Variants in GFRAL observed in about 807,000 individuals in gnomAD.
GFRAL encodes the protein GDNF family receptor alpha like, also known as GDNF family receptor alpha-like.
GFRAL carries 36 observed loss-of-function variants against 45.4 expected under a neutral mutation model. That is an observed-to-expected ratio of 0.79 (90% CI 0.61 to 1.05). The LOEUF is 1.05. Ranked by LOEUF, GFRAL falls within the 50% of genes least tolerant of loss-of-function variation. The pLI is 0.00. For synonymous variants in GFRAL, 166 were observed against 154.1 expected (o/e 1.08, Z -0.57); for missense variants, 507 against 467.5 (o/e 1.08, Z -0.78).
intron 7 of GFRAL, 31 bp from the exon 8 acceptor site, chr6:55,399,338 C>A: frequency 6.4e-7 from 1 of 1,565,198 alleles, no homozygotes; most frequent in Non-Finnish European, 8.8e-7. Flanking sequence ...AATCCAGTGA[C>A]TATTATTTCT....
intron 3 of GFRAL, among the ~76,000 whole-genome samples, chr6:55,343,370 A>T (rs1038262054): frequency 1.3e-5 from 2 of 152,186 alleles, no homozygotes; most frequent in East Asian, 3.9e-4. Flanking sequence ...AGGATTAAGA[A>T]ACTCACTCCA....
chr6:55,384,640 C>T (rs1768656228), intron 6 of GFRAL, among the ~76,000 whole-genome samples: 1 of 152,018 alleles, frequency 6.6e-6, no homozygotes, highest in African/African-American at 2.4e-5. Context: ...AAGCAAAGAG[C>T]AACCAACAGA....
intron 3 of GFRAL, among the ~76,000 whole-genome samples, chr6:55,348,632 A>G (rs116830925): frequency 0.013 from 1,991 of 151,968 alleles, 23 homozygotes; most frequent in Non-Finnish European, 0.022. Flanking sequence ...TTCAGTGAGT[A>G]CTCCAGGGGA....
chr6:55,384,863 CAA>C (rs34292413), intron 6 of GFRAL, among the ~76,000 whole-genome samples: 6,980 of 140,460 alleles, frequency 0.05, 251 homozygotes, highest in African/African-American at 0.098. Context: ...CAAAAAGCAG[CAA>C]AAAAAAAAAA....
chr6:55,371,572 T>C (rs760664716), intron 6 of GFRAL, among the ~76,000 whole-genome samples: 3 of 152,194 alleles, frequency 2.0e-5, no homozygotes, highest in Non-Finnish European at 2.9e-5. Context: ...GTCTGACATT[T>C]GTCACAAGTT....
intron 6 of GFRAL, among the ~76,000 whole-genome samples, chr6:55,387,526 G>A (rs918688047): frequency 3.3e-5 from 5 of 152,114 alleles, no homozygotes; most frequent in African/African-American, 7.2e-5. Context: ...CCATATGTGG[G>A]CACTTAATAG....
intron 4 of GFRAL, among the ~76,000 whole-genome samples, chr6:55,350,750 A>ATAAGTTATTTGGCACCAACTGT (rs1368937711): frequency 3.9e-5 from 6 of 152,128 alleles, no homozygotes; most frequent in Non-Finnish European, 7.4e-5. Flanking sequence ...TTGTGATCAT[A>ATAAGTTATTTGGCACCAACTGT]TAAGTTATTT....
At chr6:55,365,150 T>A (rs1768342302) in intron 6 of GFRAL, among the ~76,000 whole-genome samples, 1 of 151,304 alleles carries the variant, frequency 6.6e-6, no homozygotes, top group Non-Finnish European at 1.5e-5. Context: ...GAAGAGGTCC[T>A]TCACATCCCT....
intron 6 of GFRAL, among the ~76,000 whole-genome samples, chr6:55,385,743 G>A (rs1160863573): frequency 6.6e-6 from 1 of 152,060 alleles, no homozygotes; most frequent in African/African-American, 2.4e-5. Context: ...TAAAAAGTTT[G>A]TTTGATGAGA....
chr6:55,361,462 A>T (rs1768274101), intron 6 of GFRAL, among the ~76,000 whole-genome samples: 3 of 152,004 alleles, frequency 2.0e-5, no homozygotes, highest in African/African-American at 7.2e-5. Flanking sequence ...TGTCATGTAA[A>T]TTGTAGTTAT....
intron 1 of GFRAL, among the ~76,000 whole-genome samples, chr6:55,330,424 C>T (rs781290104): frequency 9.9e-5 from 15 of 151,980 alleles, no homozygotes; most frequent in Non-Finnish European, 1.8e-4. Context: ...TCTGTAATTG[C>T]GGGATCCCCA....
chr6:55,392,270 T>C (rs1400162794), intron 6 of GFRAL, among the ~76,000 whole-genome samples: 3 of 152,222 alleles, frequency 2.0e-5, no homozygotes, highest in Non-Finnish European at 4.4e-5. Context: ...GGAAACTAGA[T>C]CAAGAACTTT....
At position 55,366,580 on chromosome 6, in the gene GFRAL, TC is replaced by T. The variant is rs1179837945; in HGVS notation, c.952+7444del. Reference sequence around the variant, plus strand: ...CCTGCTTTCTCTTGTGGGCATTTAGTCCTATAAATTTCCCTCTACACACTGC... The same window carrying T: ...CCTGCTTTCTCTTGTGGGCATTTAGTCTATAAATTTCCCTCTACACACTGC... On this transcript the variant is annotated intron_variant, in intron 6 of 8. Coordinates refer to ENST00000340465, the MANE Select transcript of GFRAL (RefSeq NM_207410.2). 5.0e-5 allele frequency among the ~76,000 whole-genome samples: 7 copies of T among 141,026 alleles called. 2 individuals are homozygous for T. Among genetic ancestry groups the T allele is most frequent in the African/African-American group, 2.0e-4 (7 of 35,326 alleles). 92.5% of individuals were successfully genotyped at this position (141,026 alleles called of 152,430 possible).
rs542106469 is a variant in GFRAL at position 55,401,114 on chromosome 6, G to A, written c.1122-676G>A. ...ATCCCTTTTTTGGATGGCAGTGGGG[G>A]CATTATTATTATGGACAAATGTTTT... On this transcript the variant is annotated intron_variant, in intron 8 of 8. Transcript: ENST00000340465. Among the ~76,000 whole-genome samples the A allele has an allele frequency of 2.0e-5, 3 of 152,156 alleles. No homozygotes were observed. The East Asian group carries it at 5.8e-4, about 29-fold the overall frequency.
At chr6:55,343,992 G>T (rs1417322632) in intron 3 of GFRAL, among the ~76,000 whole-genome samples, 1 of 152,090 alleles carries the variant, frequency 6.6e-6, no homozygotes, top group Non-Finnish European at 1.5e-5. Flanking sequence ...CCAGGAAAAA[G>T]TTGAATCCCT....
At position 55,364,631 on chromosome 6, in the gene GFRAL, G is replaced by A. The variant is rs1477267033; in HGVS notation, c.952+5493G>A. On this transcript the variant is annotated intron_variant, in intron 6 of 8. Transcript: ENST00000340465. ...GATTTTTGTATAAGGTGTAAGGAAG[G>A]GATTCAGTTTCAGCTTTCTACATAT... is the stretch of plus-strand genomic sequence containing the variant. Among the ~76,000 whole-genome samples, 4 of 148,372 alleles carry A rather than the reference G, an allele frequency of 2.7e-5. 1 individual carries two copies. Among genetic ancestry groups the A allele is most frequent in the African/African-American group, 1.0e-4 (4 of 39,138 alleles).
chr6:55,360,255 C>T (rs1648794936), intron 6 of GFRAL, among the ~76,000 whole-genome samples: 1 of 151,880 alleles, frequency 6.6e-6, no homozygotes, highest in South Asian at 2.1e-4. Context: ...TTCCCCAGGC[C>T]CCTACCCCTA....
In GFRAL at chr6:55,380,021, G is replaced by A. The variant is rs564508958; in HGVS notation, c.953-19159G>A. 1.7e-4 allele frequency among the ~76,000 whole-genome samples: 26 copies of A among 151,960 alleles called. No homozygotes were observed. The South Asian group carries it at 5.2e-3, about 30-fold the overall frequency. ...GGTTGAATAGTATTGCATTGTGTAT[G>A]TATATCACATTTTCTTAGGTTGATT... On this transcript the variant is annotated intron_variant, in intron 6 of 8. Transcript: ENST00000340465.
chr6:55,348,294 A>G (rs1768070417), intron 3 of GFRAL, among the ~76,000 whole-genome samples: 2 of 151,872 alleles, frequency 1.3e-5, no homozygotes, highest in African/African-American at 4.8e-5. Flanking sequence ...TAATGTGTAA[A>G]TGTTAATTTC....
Sources: allele counts gnomAD v4.1 joint callset (sites outside exome capture counted in the v4.1 genomes callset), GRCh38; gene constraint gnomAD v4.1.1; transcripts MANE v1.5; gene names NCBI Gene and HGNC (gene_info 2026-07-23, HGNC 2026-07-21).